The following RIMBP2 variants were observed in gnomAD, a reference collection of about 807,000 sequenced individuals.
RIMBP2 encodes RIMS-binding protein 2.
Under a neutral mutation model 118.6 loss-of-function variants are expected in RIMBP2, and 48 were observed. The ratio of observed to expected loss-of-function variants is 0.40; its 90% CI spans 0.32 to 0.51. The LOEUF (loss-of-function observed/expected upper bound fraction) is 0.51, where lower values mean the gene tolerates loss of function less well. Among genes scored for constraint, RIMBP2 ranks in the 20% least tolerant of loss-of-function variants. The pLI is 0.41. For missense variants in RIMBP2, 1,551 were observed against 1,768.3 expected (o/e 0.88, Z 2.20); for synonymous variants, 762 against 742.9 (o/e 1.03, Z -0.42).
chr12:130,651,719 C>G (rs1348288589), intron 1 of RIMBP2, among the ~76,000 whole-genome samples: 1 of 152,162 alleles, frequency 6.6e-6, no homozygotes, highest in African/African-American at 2.4e-5. Context: ...TTAAAGATTT[C>G]TAGTGATGCA....
At chr12:130,709,414 G>A (rs556147714) in intron 1 of RIMBP2, among the ~76,000 whole-genome samples, 12 of 152,364 alleles carry the variant, frequency 7.9e-5, no homozygotes, top group African/African-American at 1.9e-4. Context: ...GTCTCTGGGC[G>A]TGACGCCCGA....
At chr12:130,518,743 C>A (rs1185049571) in intron 2 of RIMBP2, among the ~76,000 whole-genome samples, 1 of 152,124 alleles carries the variant, frequency 6.6e-6, no homozygotes, top group Non-Finnish European at 1.5e-5. Context: ...ACAGTAACTA[C>A]AAATAAGTAA....
At chr12:130,569,899 T>C (rs1171562585) in intron 2 of RIMBP2, among the ~76,000 whole-genome samples, 1 of 152,218 alleles carries the variant, frequency 6.6e-6, no homozygotes, top group Non-Finnish European at 1.5e-5. Context: ...CACGGCCAAT[T>C]ATTTGCATTT....
chr12:130,543,897 GC>G (rs756142100), intron 2 of RIMBP2, among the ~76,000 whole-genome samples: 65 of 152,146 alleles, frequency 4.3e-4, no homozygotes, highest in Non-Finnish European at 7.9e-4. Flanking sequence ...AACCTGTCCT[GC>G]TAGGCACTCA....
At chr12:130,713,329 T>G (rs1593062141) in intron 1 of RIMBP2, among the ~76,000 whole-genome samples, 1 of 151,402 alleles carries the variant, frequency 6.6e-6, no homozygotes, top group East Asian at 2.0e-4. Context: ...GGCACCAGCA[T>G]CACCAACAAG....
chr12:130,412,431 A>C (rs1347646123), intron 19 of RIMBP2, among the ~76,000 whole-genome samples, 188 bp downstream of exon 19: 2 of 152,186 alleles, frequency 1.3e-5, no homozygotes, highest in Non-Finnish European at 2.9e-5. Context: ...AGCACACAGG[A>C]GACTACTGGC....
At chr12:130,458,887 A>C (rs988538492) in intron 6 of RIMBP2, among the ~76,000 whole-genome samples, 4 of 151,946 alleles carry the variant, frequency 2.6e-5, no homozygotes, top group East Asian at 1.9e-4. Context: ...TCTACTAAAA[A>C]TACAAAATTA....
At chr12:130,713,191 AAGGAAGGAAGGAAGGAAGAT>A (rs1289223893) in intron 1 of RIMBP2, among the ~76,000 whole-genome samples, 6 of 146,994 alleles carry the variant, frequency 4.1e-5, no homozygotes, top group Non-Finnish European at 7.5e-5. Context: ...GGAAGGAAAG[AAGGAAGGAAGGAAGGAAGAT>A]AGGAAGGAAG....
In RIMBP2 at chr12:130,541,510, A is replaced by G. The variant is rs539537500; in HGVS notation, c.-216-23593T>C. On this transcript the variant is annotated intron_variant, in intron 2 of 22. Coordinates refer to ENST00000690449, the MANE Select transcript of RIMBP2 (RefSeq NM_001393629.1). ...ATTTAACTGCAAATGCTGAAAACAC[A>G]GCTGTACTCACTGGGCCTAAGAAAG... Among the ~76,000 whole-genome samples the G allele has an allele frequency of 5.1e-4, 78 of 152,356 alleles. No individual in the cohort carries two copies. In the South Asian group the frequency reaches 0.012, roughly 23 times the overall value.
rs1190720880 is a variant in RIMBP2 at position 130,525,460 on chromosome 12, T to A, written c.-216-7543A>T. Among the ~76,000 whole-genome samples the A allele has an allele frequency of 6.6e-6, 1 of 152,100 alleles. No individual in the cohort carries two copies. The highest frequency in any genetic ancestry group is 2.4e-5 in the African/African-American group (1 of 41,410). ...TCATGCTTAGAGCCTCCTAGGGGCA[T>A]GGATGACTAAGGAAGGTAGAGAATG... On this transcript the variant is annotated intron_variant, in intron 2 of 22. Transcript: ENST00000690449. This position sits in a 1 kb window ranked among gnomAD's most constrained non-coding sequence, Gnocchi z 4.4.
At chr12:130,634,888 C>A (rs2062251076) in intron 1 of RIMBP2, among the ~76,000 whole-genome samples, 1 of 152,202 alleles carries the variant, frequency 6.6e-6, no homozygotes, top group Admixed American at 6.5e-5. Flanking sequence ...CCTGAGCCAC[C>A]ACACCCGGCT....
At chr12:130,428,966 G>C (rs577453229) in intron 14 of RIMBP2, 3 of 152,196 alleles carry the variant, frequency 2.0e-5, no homozygotes, top group African/African-American at 7.2e-5. Flanking sequence ...GTGTGGTGGC[G>C]GGCGCCTGTA....
At chr12:130,535,453 G>A (rs961107307) in intron 2 of RIMBP2, among the ~76,000 whole-genome samples, 2 of 152,028 alleles carry the variant, frequency 1.3e-5, no homozygotes, top group African/African-American at 4.8e-5. Context: ...GGTCAAGGCT[G>A]CAGTGAGCCA....
chr12:130,402,778 G>A (rs759070133), intron 21 of RIMBP2, among the ~76,000 whole-genome samples: 4 of 152,202 alleles, frequency 2.6e-5, no homozygotes, highest in Non-Finnish European at 5.9e-5. Flanking sequence ...ACATCCACTC[G>A]TGTTTGCACA....
At position 130,688,544 on chromosome 12, in the gene RIMBP2, C is replaced by G. The variant is rs1329877703; in HGVS notation, c.-352+27678G>C. ...CTCCCCCAAGCATGAGTCGTCTTCA[C>G]CCCTCCATCCGTTACCCCCTGTCAG... On this transcript the variant is annotated intron_variant, in intron 1 of 22. Transcript: ENST00000690449. The surrounding 1 kb of genome is among the most constrained non-coding windows in gnomAD (Gnocchi z 4.7). 2.0e-5 allele frequency among the ~76,000 whole-genome samples: 3 copies of G among 151,726 alleles called. No individual in the cohort carries two copies. The highest frequency in any genetic ancestry group is 7.3e-5 in the African/African-American group (3 of 41,178).
intron 1 of RIMBP2, among the ~76,000 whole-genome samples, chr12:130,662,153 T>TCC (rs3047887): frequency 0.54 from 82,254 of 151,520 alleles, 22,904 homozygotes; most frequent in Non-Finnish European, 0.62. Context: ...AGACCTGGGG[T>TCC]CTCCAACAAA....
intron 12 of RIMBP2, among the ~76,000 whole-genome samples, chr12:130,437,993 C>T (rs2077666344): frequency 6.6e-6 from 1 of 152,212 alleles, no homozygotes; most frequent in Admixed American, 6.5e-5. Context: ...CACGTGCAGA[C>T]CCAGCAGTAT....
intron 1 of RIMBP2, among the ~76,000 whole-genome samples, chr12:130,642,722 A>G (rs932677708): frequency 1.3e-5 from 2 of 152,236 alleles, no homozygotes; most frequent in East Asian, 3.8e-4. Context: ...AAAGTCACTC[A>G]TTTAATCCTG....
Position 130,438,427 on chromosome 12 carries a change from G to A in RIMBP2, c.1594C>T (p.Pro532Ser). ...RVSWRPPVLTPTGLSNGANVT... is the reference protein window; with the variant it reads ...RVSWRPPVLTSTGLSNGANVT... ...TTTGCGCCATTGGACAGCCCGGTGGGCGTCAGCACAGGTGGTCTCCAGGAG... is the reference window on the plus strand; with the variant it reads ...TTTGCGCCATTGGACAGCCCGGTGGACGTCAGCACAGGTGGTCTCCAGGAG... The change falls in exon 12 of 23, where the codon CCC becomes TCC. Residue 532 changes from proline (P) to serine (S), a missense_variant. Coordinates refer to ENST00000690449, the MANE Select transcript of RIMBP2 (RefSeq NM_001393629.1). 6.2e-7 allele frequency: 1 copy of A among 1,613,804 alleles called. No homozygotes were observed. Among genetic ancestry groups the A allele is most frequent in the Non-Finnish European group, 8.5e-7 (1 of 1,179,918 alleles).
Sources: gnomAD v4.1 joint callset for allele counts (sites outside exome capture counted in the v4.1 genomes callset) on GRCh38, gnomAD v4.1.1 for gene constraint, Gnocchi (gnomAD v3.1) non-coding constraint, MANE v1.5 for transcripts, NCBI Gene and HGNC (gene_info 2026-07-23, HGNC 2026-07-21) for gene names.